KCNMA1: variants seen among roughly 807,000 people sequenced by gnomAD.
KCNMA1 encodes potassium calcium-activated channel subfamily M alpha 1.
A neutral mutation model predicts 140.0 loss-of-function variants in KCNMA1; 29 were observed. The ratio of observed to expected loss-of-function variants is 0.21; its 90% CI spans 0.15 to 0.28. The LOEUF is 0.28. Among genes scored for constraint, KCNMA1 ranks in the 10% least tolerant of loss-of-function variants. The pLI is 1.00. For missense variants in KCNMA1, 880 were observed against 1,602.2 expected (o/e 0.55, Z 7.70); for synonymous variants, 612 against 611.9 (o/e 1.00, Z 0.00).
At chr10:77,027,255 A>T (rs1357404462) in intron 16 of KCNMA1, among the ~76,000 whole-genome samples, 4 of 152,158 alleles carry the variant, frequency 2.6e-5, no homozygotes, top group Admixed American at 6.5e-5. Context: ...CACATAATTA[A>T]GTGTAAAATA....
At chr10:77,519,288 C>T (rs577461770) in intron 1 of KCNMA1, among the ~76,000 whole-genome samples, 1 of 152,348 alleles carries the variant, frequency 6.6e-6, no homozygotes, top group South Asian at 2.1e-4. Context: ...ACAGCACTGA[C>T]CCCTCCATTG....
chr10:77,586,571 T>G lies in KCNMA1; in HGVS notation c.378+50694A>C, dbSNP rs1171013077. The G allele has an allele frequency of 3.9e-5, 6 of 152,378 alleles. No individual in the cohort carries two copies. In the South Asian group the frequency reaches 1.2e-3, roughly 32 times the overall value. 9.4% of individuals were successfully genotyped at this position (152,378 alleles called of 1,614,324 possible). A position where few individuals can be genotyped will look rare whatever the true frequency, so the allele number is the denominator to read the frequency against. ...TTAAAAAGCTAATAATCCATTCAAT[T>G]TTTTAAATTAAGCAATAAGACTCTA... On this transcript the variant is annotated intron_variant, in intron 1 of 27. Transcript: ENST00000286628.
intron 6 of KCNMA1, among the ~76,000 whole-genome samples, chr10:77,113,307 G>T (rs938882062): frequency 6.6e-6 from 1 of 152,156 alleles, no homozygotes; most frequent in Admixed American, 6.5e-5. Flanking sequence ...AAAACAGGCA[G>T]CCGGCATGGG....
At chr10:77,437,864 G>A (rs1359445566) in intron 1 of KCNMA1, among the ~76,000 whole-genome samples, 1 of 152,106 alleles carries the variant, frequency 6.6e-6, no homozygotes, top group African/African-American at 2.4e-5. Context: ...GCGATCAGGA[G>A]TGACAAACTC....
intron 23 of KCNMA1, among the ~76,000 whole-genome samples, chr10:76,934,394 C>T (rs117296126): frequency 2.0e-5 from 3 of 152,264 alleles, no homozygotes; most frequent in East Asian, 1.9e-4. Flanking sequence ...TAGGTGAAGA[C>T]AAAAATGCAC....
At chr10:77,439,153 AG>A (rs1445326433) in intron 1 of KCNMA1, among the ~76,000 whole-genome samples, 5 of 145,974 alleles carry the variant, frequency 3.4e-5, no homozygotes, top group African/African-American at 1.3e-4. Context: ...AAGAGAAAAG[AG>A]AAGAGAAGAA....
At chr10:77,152,266 G>GT (rs1381144288) in intron 5 of KCNMA1, among the ~76,000 whole-genome samples, 2 of 128,838 alleles carry the variant, frequency 1.6e-5, no homozygotes, top group East Asian at 2.3e-4. Context: ...AGACTCTTCT[G>GT]TTTTTTTGCT....
intron 9 of KCNMA1, among the ~76,000 whole-genome samples, chr10:77,107,280 T>C (rs1253433261): frequency 1.3e-5 from 2 of 152,186 alleles, no homozygotes; most frequent in South Asian, 2.1e-4. Context: ...AGTTCCATGA[T>C]AGGAACGTCC....
At chr10:77,608,605 A>T (rs2085468971) in intron 1 of KCNMA1, among the ~76,000 whole-genome samples, 1 of 152,118 alleles carries the variant, frequency 6.6e-6, no homozygotes, top group African/African-American at 2.4e-5. Flanking sequence ...ATACGTGTGT[A>T]AGAGGGGATT....
intron 13 of KCNMA1, among the ~76,000 whole-genome samples, chr10:77,076,695 AC>A (rs769586628): frequency 1.7e-4 from 26 of 152,346 alleles, no homozygotes; most frequent in South Asian, 4.1e-4. Flanking sequence ...TCCAACGAGT[AC>A]TAAAGAAGAT....
intron 2 of KCNMA1, among the ~76,000 whole-genome samples, chr10:77,279,705 C>T (rs943887779): frequency 7.9e-5 from 12 of 152,242 alleles, no homozygotes; most frequent in African/African-American, 2.6e-4. Context: ...ACAATTCCCA[C>T]ATGTCATGGG....
At chr10:76,990,376 T>C (rs2082389520) in intron 19 of KCNMA1, among the ~76,000 whole-genome samples, 1 of 152,192 alleles carries the variant, frequency 6.6e-6, no homozygotes, top group Non-Finnish European at 1.5e-5. Flanking sequence ...AGGCTGTAAT[T>C]GCCAACAAGA....
At chr10:76,890,021 G>A (rs995274524) in intron 26 of KCNMA1, among the ~76,000 whole-genome samples, 6 of 152,140 alleles carry the variant, frequency 3.9e-5, no homozygotes, top group Non-Finnish European at 7.3e-5. Context: ...GAAAACCACC[G>A]CAAGGAGGAG....
At chr10:77,553,771 G>C (rs1188949848) in intron 1 of KCNMA1, among the ~76,000 whole-genome samples, 1 of 152,328 alleles carries the variant, frequency 6.6e-6, no homozygotes, top group East Asian at 1.9e-4. Flanking sequence ...CTATGCTCAA[G>C]GTAACCAAAA....
chr10:77,581,332 C>CTTTTTT, intron 1 of KCNMA1, among the ~76,000 whole-genome samples: 1 of 147,996 alleles, frequency 6.8e-6, no homozygotes, highest in African/African-American at 2.5e-5. Flanking sequence ...TTTTTTGAGA[C>CTTTTTT]AGAGTCTCGC....
intron 1 of KCNMA1, among the ~76,000 whole-genome samples, chr10:77,507,206 T>C (rs1029337806): frequency 6.6e-6 from 1 of 152,254 alleles, no homozygotes; most frequent in Non-Finnish European, 1.5e-5. Context: ...AACAGCTCTA[T>C]GGAACACCAT....
At chr10:77,013,556 T>C (rs557843944) in intron 17 of KCNMA1, among the ~76,000 whole-genome samples, 1 of 152,320 alleles carries the variant, frequency 6.6e-6, no homozygotes, top group South Asian at 2.1e-4. Context: ...TTGGGGAAAG[T>C]AACTCTGCGT....
At chr10:77,299,678 G>A (rs1053577663) in intron 2 of KCNMA1, among the ~76,000 whole-genome samples, 2 of 152,176 alleles carry the variant, frequency 1.3e-5, no homozygotes, top group African/African-American at 4.8e-5. Flanking sequence ...CAAAGAGGGG[G>A]AAAGCCTGCA....
chr10:77,078,732 A>G (rs2153730422), intron 13 of KCNMA1, among the ~76,000 whole-genome samples: 2 of 152,334 alleles, frequency 1.3e-5, no homozygotes, highest in African/African-American at 4.8e-5. Context: ...CTTCTCCTTC[A>G]CTGATATTCC....
Sources: allele counts gnomAD v4.1 joint callset (sites outside exome capture counted in the v4.1 genomes callset), GRCh38; gene constraint gnomAD v4.1.1; transcripts MANE v1.5; gene names NCBI Gene and HGNC (gene_info 2026-07-23, HGNC 2026-07-21).